Variants in SEMA5A observed in about 807,000 individuals in gnomAD.
SEMA5A encodes the protein semaphorin 5A.
In SEMA5A, 55 loss-of-function variants were observed where a neutral mutation model predicts 135.5. The observed-to-expected ratio is 0.41, with a 90% confidence interval of 0.33 to 0.51. SEMA5A has a LOEUF of 0.51. SEMA5A is among the 20% of genes least tolerant of loss of function. The probability of loss-of-function intolerance (pLI) is 0.37; values close to 1 mark genes in which losing one functional copy is unlikely to be tolerated. For synonymous variants in SEMA5A, 580 were observed against 546.5 expected (o/e 1.06, Z -0.85); for missense variants, 1,290 against 1,419.9 (o/e 0.91, Z 1.47).
intron 1 of SEMA5A, among the ~76,000 whole-genome samples, chr5:9,456,054 A>C (rs268542): frequency 0.42 from 63,835 of 152,080 alleles, 13,951 homozygotes; most frequent in East Asian, 0.57. Context: ...AGTCTCTGCC[A>C]AAGACAGAAA....
intron 1 of SEMA5A, among the ~76,000 whole-genome samples, chr5:9,473,990 A>T (rs1417894634): frequency 6.6e-6 from 1 of 152,162 alleles, no homozygotes; most frequent in East Asian, 1.9e-4. Flanking sequence ...TAGGAATGGA[A>T]TGCCCACTCC....
chr5:9,516,291 C>G (rs144379222), intron 1 of SEMA5A, among the ~76,000 whole-genome samples: 176 of 151,962 alleles, frequency 1.2e-3, no homozygotes, highest in African/African-American at 4.0e-3. Flanking sequence ...TACACACACA[C>G]CACACACACA....
At chr5:9,047,629 G>C (rs1388034230) in intron 21 of SEMA5A, among the ~76,000 whole-genome samples, 2 of 152,144 alleles carry the variant, frequency 1.3e-5, no homozygotes, top group Admixed American at 1.3e-4. Context: ...CCTGTACAAT[G>C]ATTGATTTTC....
intron 2 of SEMA5A, among the ~76,000 whole-genome samples, chr5:9,427,083 C>T (rs1289775297): frequency 2.0e-5 from 3 of 152,076 alleles, no homozygotes; most frequent in African/African-American, 4.8e-5. Flanking sequence ...GAGGCTGAGG[C>T]GGGTGTATCA....
chr5:9,172,775 T>A (rs1743998038), intron 11 of SEMA5A, among the ~76,000 whole-genome samples: 1 of 152,206 alleles, frequency 6.6e-6, no homozygotes, highest in African/African-American at 2.4e-5. Context: ...TATTTTCTGG[T>A]TATAAGAAAG....
At chr5:9,358,856 T>G (rs1754565907) in intron 3 of SEMA5A, among the ~76,000 whole-genome samples, 1 of 152,158 alleles carries the variant, frequency 6.6e-6, no homozygotes, top group Non-Finnish European at 1.5e-5. Context: ...ATGCCTGGAA[T>G]CTAGAAAAGG....
intron 2 of SEMA5A, among the ~76,000 whole-genome samples, chr5:9,420,066 C>T (rs1757413751): frequency 6.6e-6 from 1 of 152,086 alleles, no homozygotes; most frequent in Admixed American, 6.5e-5. Context: ...TGTTCCCGGG[C>T]TGAACTATTT....
chr5:9,228,521 C>T (rs1440341151), intron 6 of SEMA5A, among the ~76,000 whole-genome samples: 1 of 152,134 alleles, frequency 6.6e-6, no homozygotes, highest in Non-Finnish European at 1.5e-5. Context: ...GTGAAAGGAG[C>T]CATTACATGT....
intron 21 of SEMA5A, among the ~76,000 whole-genome samples, chr5:9,049,144 C>A (rs1006074286): frequency 7.4e-6 from 1 of 135,682 alleles, no homozygotes; most frequent in Non-Finnish European, 1.6e-5. Context: ...AGATAGTGAG[C>A]TCTTCTATTA....
rs138088143 is a variant in SEMA5A at position 9,243,772 on chromosome 5, C to A, written c.271-5882G>T. The stretch of plus-strand genomic sequence containing the variant: ...AGGCCACAGAGTATTAAGTGGCAGC[C>A]CCAGGATTGGCACTTTATAACTTGG... On this transcript the variant is annotated intron_variant, in intron 5 of 22. Transcript: ENST00000382496. Among the ~76,000 whole-genome samples the A allele has an allele frequency of 5.5e-3, 836 of 152,208 alleles. 5 individuals carry two copies. The highest frequency in any genetic ancestry group is 7.9e-3 in the Non-Finnish European group (540 of 68,014).
intron 1 of SEMA5A, among the ~76,000 whole-genome samples, chr5:9,540,232 C>A (rs977321798): frequency 9.9e-5 from 15 of 152,134 alleles, no homozygotes; most frequent in African/African-American, 3.6e-4. Flanking sequence ...GTCTCCTAAG[C>A]TGACATTCTG....
intron 1 of SEMA5A, among the ~76,000 whole-genome samples, chr5:9,441,551 T>C (rs1758234048): frequency 6.8e-6 from 1 of 148,088 alleles, no homozygotes; most frequent in Non-Finnish European, 1.5e-5. Context: ...GCAAACTGAA[T>C]GAGATAGGTG....
chr5:9,149,992 A>C (rs1742547598), intron 12 of SEMA5A, among the ~76,000 whole-genome samples: 2 of 152,046 alleles, frequency 1.3e-5, no homozygotes, highest in Non-Finnish European at 2.9e-5. Context: ...CCTCATGGAG[A>C]CTTTTTCCAC....
intron 16 of SEMA5A, among the ~76,000 whole-genome samples, chr5:9,078,610 C>G (rs1024220246): frequency 6.8e-6 from 1 of 147,988 alleles, no homozygotes; most frequent in South Asian, 2.1e-4. Context: ...CACACACACA[C>G]AGTCATACAT....
intron 2 of SEMA5A, among the ~76,000 whole-genome samples, chr5:9,394,706 G>T (rs188552986): frequency 2.9e-4 from 44 of 152,266 alleles, no homozygotes; most frequent in Admixed American, 1.5e-3. Flanking sequence ...GCAGAGAAAT[G>T]AAATAAAGTC....
intron 1 of SEMA5A, among the ~76,000 whole-genome samples, chr5:9,444,593 G>C (rs989196662): frequency 6.6e-6 from 1 of 152,072 alleles, no homozygotes; most frequent in Non-Finnish European, 1.5e-5. Flanking sequence ...TTGTTCATTG[G>C]TGGGCATTTT....
At chr5:9,416,534 A>C (rs959770408) in intron 2 of SEMA5A, among the ~76,000 whole-genome samples, 1 of 152,184 alleles carries the variant, frequency 6.6e-6, no homozygotes, top group Admixed American at 6.5e-5. Context: ...TCTCACCTGC[A>C]AACTGGGTAC....
At chr5:9,126,925 G>C (rs1741146454) in intron 13 of SEMA5A, among the ~76,000 whole-genome samples, 1 of 152,204 alleles carries the variant, frequency 6.6e-6, no homozygotes, top group South Asian at 2.1e-4. Flanking sequence ...GTGGTAACCA[G>C]CTTAAAGAAA....
chr5:9,227,156 A>T (rs1168454323), intron 6 of SEMA5A, among the ~76,000 whole-genome samples, 189 bp from the exon 7 acceptor site: 1 of 152,172 alleles, frequency 6.6e-6, no homozygotes, highest in African/African-American at 2.4e-5. Flanking sequence ...CCAAAAAATA[A>T]CAACAGAGCT....
Sources: gnomAD v4.1 joint callset for allele counts (sites outside exome capture counted in the v4.1 genomes callset) on GRCh38, gnomAD v4.1.1 for gene constraint, MANE v1.5 for transcripts, NCBI Gene and HGNC (gene_info 2026-07-23, HGNC 2026-07-21) for gene names.